PTPRR: variants seen among roughly 807,000 people sequenced by gnomAD.
PTPRR encodes the protein receptor-type tyrosine-protein phosphatase R.
PTPRR carries 38 observed loss-of-function variants against 77.2 expected under a neutral mutation model. The ratio of observed to expected loss-of-function variants is 0.49; its 90% CI spans 0.38 to 0.65. The LOEUF (loss-of-function observed/expected upper bound fraction) is 0.65, where lower values mean the gene tolerates loss of function less well. Ranked by LOEUF, PTPRR falls within the 30% of genes least tolerant of loss-of-function variation. PTPRR has a pLI of 0.00. For synonymous variants in PTPRR, 299 were observed against 283.1 expected (o/e 1.06, Z -0.57); for missense variants, 744 against 799.2 (o/e 0.93, Z 0.83).
intron 6 of PTPRR, among the ~76,000 whole-genome samples, chr12:70,723,217 G>A (rs1165452535): frequency 6.6e-6 from 1 of 152,160 alleles, no homozygotes; most frequent in Admixed American, 6.5e-5. Context: ...TTAAAAACCA[G>A]TAGCAACTGC....
chr12:70,896,241 A>G (rs762086403), intron 1 of PTPRR, among the ~76,000 whole-genome samples: 4 of 151,626 alleles, frequency 2.6e-5, no homozygotes, highest in Non-Finnish European at 4.4e-5. Flanking sequence ...AGCAAAGCTG[A>G]CAAAAATGAA....
At chr12:70,803,842 T>C (rs1891659846) in intron 2 of PTPRR, among the ~76,000 whole-genome samples, 1 of 152,172 alleles carries the variant, frequency 6.6e-6, no homozygotes, top group Admixed American at 6.5e-5. Flanking sequence ...TCTTCTTTAC[T>C]GCCACTAAGG....
intron 2 of PTPRR, among the ~76,000 whole-genome samples, chr12:70,820,881 T>C (rs978073943): frequency 3.3e-5 from 5 of 152,346 alleles, no homozygotes; most frequent in African/African-American, 1.2e-4. Context: ...TACTATTCAC[T>C]GACCCTTCAC....
At chr12:70,850,394 T>C (rs1294128185) in intron 2 of PTPRR, among the ~76,000 whole-genome samples, 1 of 152,000 alleles carries the variant, frequency 6.6e-6, no homozygotes, top group Non-Finnish European at 1.5e-5. Flanking sequence ...TTGTATCTAT[T>C]TCCAGAAAGA....
intron 1 of PTPRR, among the ~76,000 whole-genome samples, chr12:70,897,159 T>C (rs1893443645): frequency 6.6e-6 from 1 of 152,030 alleles, no homozygotes; most frequent in Admixed American, 6.6e-5. Context: ...AAATGGGATC[T>C]AATTATACTA....
chr12:70,887,057 T>G (rs542631372), intron 2 of PTPRR, among the ~76,000 whole-genome samples: 2 of 152,340 alleles, frequency 1.3e-5, no homozygotes, highest in South Asian at 4.1e-4. Flanking sequence ...CCCTCCTTCT[T>G]TCAGTGATGG....
intron 2 of PTPRR, among the ~76,000 whole-genome samples, chr12:70,879,482 C>T (rs1307067477): frequency 2.0e-5 from 3 of 151,970 alleles, no homozygotes; most frequent in African/African-American, 7.3e-5. Flanking sequence ...AGAACAAGCA[C>T]ATGAACCCGT....
chr12:70,904,056 A>G (rs1592826102), intron 1 of PTPRR, among the ~76,000 whole-genome samples: 1 of 151,912 alleles, frequency 6.6e-6, no homozygotes, highest in African/African-American at 2.4e-5. Context: ...AATGAAATGT[A>G]CTAATAATAC....
intron 10 of PTPRR, among the ~76,000 whole-genome samples, chr12:70,673,158 T>C (rs780156696): frequency 6.6e-6 from 1 of 152,124 alleles, no homozygotes; most frequent in Non-Finnish European, 1.5e-5. Flanking sequence ...GGCTTTGGCA[T>C]ATTAATAATT....
chr12:70,782,278 A>G (rs534902186), intron 2 of PTPRR, among the ~76,000 whole-genome samples: 2 of 152,176 alleles, frequency 1.3e-5, no homozygotes, highest in East Asian at 3.9e-4. Context: ...AAACTGCCAC[A>G]TTCGATTCCT....
Position 70,668,002 on chromosome 12 carries a change from A to G in PTPRR, c.1498-5397T>C, listed in dbSNP as rs566410221. Among the ~76,000 whole-genome samples the G allele has an allele frequency of 6.9e-4, 105 of 152,278 alleles. 4 individuals carry two copies. The South Asian group carries it at 0.021, about 30-fold the overall frequency. On this transcript the variant is annotated intron_variant, in intron 10 of 13. Transcript: ENST00000283228. Reference sequence around the variant, plus strand: ...TTCAAAATTGTCCACTAGTTTGAATAAACAGATTCAACGTTTTTTTTAAAA... The same window carrying G: ...TTCAAAATTGTCCACTAGTTTGAATGAACAGATTCAACGTTTTTTTTAAAA...
At chr12:70,769,335 CA>C (rs1171145246) in intron 2 of PTPRR, among the ~76,000 whole-genome samples, 1 of 150,960 alleles carries the variant, frequency 6.6e-6, no homozygotes, top group Non-Finnish European at 1.5e-5. Flanking sequence ...AATCAATGTA[CA>C]AAAATCACAA....
intron 2 of PTPRR, among the ~76,000 whole-genome samples, chr12:70,863,606 A>G (rs1041790037): frequency 6.6e-6 from 1 of 152,108 alleles, no homozygotes; most frequent in African/African-American, 2.4e-5. Flanking sequence ...AAAATGGTCA[A>G]TTAAATTTTA....
chr12:70,639,426 C>T (rs1476853404), intron 13 of PTPRR, 149 bp from the exon 14 acceptor site: 9 of 1,377,144 alleles, frequency 6.5e-6, no homozygotes, highest in Non-Finnish European at 7.7e-6. Context: ...TTACCTGTGT[C>T]CAAATGTCTC....
chr12:70,898,448 CT>C (rs576856366), intron 1 of PTPRR, among the ~76,000 whole-genome samples: 27 of 149,348 alleles, frequency 1.8e-4, no homozygotes, highest in African/African-American at 5.6e-4. Context: ...ATCATTTAGT[CT>C]TTTTTTAACT....
intron 10 of PTPRR, among the ~76,000 whole-genome samples, chr12:70,678,757 C>T (rs912259867): frequency 6.6e-6 from 1 of 152,174 alleles, no homozygotes; most frequent in African/African-American, 2.4e-5. Flanking sequence ...TCTCAGCTCA[C>T]TGCAACCTCT....
chr12:70,694,993 TG>T (rs1888181829), intron 8 of PTPRR, among the ~76,000 whole-genome samples: 1 of 151,120 alleles, frequency 6.6e-6, no homozygotes, highest in Non-Finnish European at 1.5e-5. Flanking sequence ...CACTAATATT[TG>T]TTTACACTGC....
At chr12:70,815,860 G>A (rs1053835511) in intron 2 of PTPRR, among the ~76,000 whole-genome samples, 1 of 152,166 alleles carries the variant, frequency 6.6e-6, no homozygotes, top group African/African-American at 2.4e-5. Flanking sequence ...TCAGACAGCT[G>A]ATAATCTAGT....
rs772781422 is a variant in PTPRR at position 70,639,238 on chromosome 12, C to A, written c.1920G>T (p.Val640=). Residue 640 remains valine (V), a synonymous_variant, in exon 14 of 14, where the codon GTG becomes GTT. Transcript: ENST00000283228. The part of the protein sequence containing the change: ...MVQTSEQYEF[V]HHALCLYESR... ...TCTCATACAGGCACAGAGCATGGTGCACAAATTCATACTGCTCACTGGTTT... is the reference window on the plus strand; with the variant it reads ...TCTCATACAGGCACAGAGCATGGTGAACAAATTCATACTGCTCACTGGTTT... 1 of 1,613,448 alleles carries A rather than the reference C, an allele frequency of 6.2e-7. No homozygotes were observed. Among genetic ancestry groups the A allele is most frequent in the East Asian group, 2.2e-5 (1 of 44,884 alleles).
Sources: gnomAD v4.1 joint callset for allele counts (sites outside exome capture counted in the v4.1 genomes callset) on GRCh38, gnomAD v4.1.1 for gene constraint, MANE v1.5 for transcripts, NCBI Gene and HGNC (gene_info 2026-07-23, HGNC 2026-07-21) for gene names.